The following GABBR2 variants were observed in gnomAD, a reference collection of about 807,000 sequenced individuals.
The protein encoded by GABBR2 is gamma-aminobutyric acid type B receptor subunit 2.
A neutral mutation model predicts 105.6 loss-of-function variants in GABBR2; 23 were observed. The observed-to-expected ratio is 0.22, with a 90% CI of 0.16 to 0.31. The LOEUF (loss-of-function observed/expected upper bound fraction) is 0.31, where lower values mean the gene tolerates loss of function less well. GABBR2 is among the 10% of genes least tolerant of loss of function. The pLI is 1.00. For synonymous variants in GABBR2, 478 were observed against 499.7 expected, an observed-to-expected ratio of 0.96 and a Z score of 0.58; for missense variants, 734 against 1,245.5, an observed-to-expected ratio of 0.59 and a Z score of 6.18.
intron 1 of GABBR2, among the ~76,000 whole-genome samples, chr9:98,698,904 G>A (rs1455300307): frequency 6.6e-6 from 1 of 152,140 alleles, no homozygotes; most frequent in African/African-American, 2.4e-5. Flanking sequence ...AGTTAGTCCT[G>A]GCCATAGAAG....
intron 1 of GABBR2, among the ~76,000 whole-genome samples, chr9:98,633,272 G>A (rs1028694059): frequency 1.3e-4 from 20 of 152,156 alleles, no homozygotes; most frequent in African/African-American, 4.6e-4. Context: ...CCAGTCCAGG[G>A]AATGGCAGCC....
chr9:98,651,746 T>A (rs1411648336), intron 1 of GABBR2, among the ~76,000 whole-genome samples: 1 of 152,226 alleles, frequency 6.6e-6, no homozygotes, highest in African/African-American at 2.4e-5. Flanking sequence ...ACAATTTTTT[T>A]AAAGATGTTT....
chr9:98,657,805 C>T (rs1830203258), intron 1 of GABBR2, among the ~76,000 whole-genome samples: 1 of 152,276 alleles, frequency 6.6e-6, no homozygotes, highest in Non-Finnish European at 1.5e-5. Context: ...CTCACAAGAT[C>T]TGATGGGTTT....
intron 1 of GABBR2, among the ~76,000 whole-genome samples, chr9:98,590,029 G>A (rs1291897727): frequency 2.0e-5 from 3 of 152,172 alleles, no homozygotes; most frequent in Non-Finnish European, 2.9e-5. Flanking sequence ...ATGCCCTGCT[G>A]AACTAGGTTA....
intron 2 of GABBR2, among the ~76,000 whole-genome samples, chr9:98,560,082 G>A (rs1161483028): frequency 1.3e-5 from 2 of 151,762 alleles, no homozygotes; most frequent in Non-Finnish European, 2.9e-5. Flanking sequence ...ATTATATAAG[G>A]ATGGCATGGA....
chr9:98,322,123 GTCCTCTGCTTCCA>G (rs1830833059), intron 13 of GABBR2, among the ~76,000 whole-genome samples: 1 of 151,860 alleles, frequency 6.6e-6, no homozygotes, highest in Non-Finnish European at 1.5e-5. Flanking sequence ...ATCCTATTTG[GTCCTCTGCTTCCA>G]GGCCCTCTGG....
At chr9:98,681,995 G>C (rs993549119) in intron 1 of GABBR2, among the ~76,000 whole-genome samples, 7 of 152,114 alleles carry the variant, frequency 4.6e-5, no homozygotes, top group African/African-American at 1.7e-4. Flanking sequence ...CCCACTTTGG[G>C]GGGTGGAGAC....
At chr9:98,422,071 T>C (rs1027251734) in intron 7 of GABBR2, among the ~76,000 whole-genome samples, 1 of 152,118 alleles carries the variant, frequency 6.6e-6, no homozygotes, top group East Asian at 1.9e-4. Flanking sequence ...AAAATCAACG[T>C]GGTCTTAACA....
intron 11 of GABBR2, among the ~76,000 whole-genome samples, chr9:98,379,112 T>C (rs1831926774): frequency 6.6e-6 from 1 of 152,100 alleles, no homozygotes; most frequent in African/African-American, 2.4e-5. Context: ...CTTTCAGCAC[T>C]CAAGGTGGCA....
intron 1 of GABBR2, among the ~76,000 whole-genome samples, chr9:98,653,433 T>C (rs1341628542): frequency 6.6e-6 from 1 of 152,208 alleles, no homozygotes; most frequent in Non-Finnish European, 1.5e-5. Flanking sequence ...AAAATGAGCA[T>C]TGGTATAAAC....
chr9:98,708,895 C>CGCGGCG lies in GABBR2; in HGVS notation c.-164_-159dup, dbSNP rs35400353. 2.0e-5 allele frequency: 4 copies of CGCGGCG among 198,188 alleles called. 1 individual carries two copies. The highest frequency in any genetic ancestry group is 3.6e-5 in the Non-Finnish European group (4 of 111,382). 12.3% of individuals were successfully genotyped at this position (198,188 alleles called of 1,614,324 possible). A position where few individuals can be genotyped will look rare whatever the true frequency, so the allele number is the denominator to read the frequency against. ...GGGTTCCGGCTCGGCTCAGAACGGC[C>CGCGGCG]GCGGCGGCGGCGGCGGCAGCGGCGG... On this transcript the variant is annotated 5_prime_UTR_variant, in exon 1 of 19. Transcript: ENST00000259455.
intron 2 of GABBR2, among the ~76,000 whole-genome samples, chr9:98,545,883 G>A (rs1199007783): frequency 6.6e-6 from 1 of 152,138 alleles, no homozygotes; most frequent in Non-Finnish European, 1.5e-5. Flanking sequence ...GGCATCACCA[G>A]GGCTGTTAGC....
At chr9:98,461,413 T>G (rs1029275627) in intron 6 of GABBR2, among the ~76,000 whole-genome samples, 3 of 152,202 alleles carry the variant, frequency 2.0e-5, no homozygotes, top group African/African-American at 7.2e-5. Flanking sequence ...TGTGTATATA[T>G]CCACACTATA....
At chr9:98,292,435 TG>T (rs1564004631) in intron 18 of GABBR2, among the ~76,000 whole-genome samples, 1 of 152,190 alleles carries the variant, frequency 6.6e-6, no homozygotes, top group African/African-American at 2.4e-5. Context: ...TTATCCCAAC[TG>T]GGTGTGCCCT....
At chr9:98,520,299 A>G (rs1827841826) in intron 3 of GABBR2, among the ~76,000 whole-genome samples, 1 of 152,248 alleles carries the variant, frequency 6.6e-6, no homozygotes, top group Non-Finnish European at 1.5e-5. Flanking sequence ...TGAAAGGTAT[A>G]TCTTCTCATG....
chr9:98,331,994 C>T (rs1831035303), intron 13 of GABBR2, among the ~76,000 whole-genome samples: 1 of 152,206 alleles, frequency 6.6e-6, no homozygotes, highest in South Asian at 2.1e-4. Flanking sequence ...CAGTCCAGCC[C>T]TCAGGCTGGG....
At chr9:98,423,783 TA>T (rs1171285402) in intron 7 of GABBR2, among the ~76,000 whole-genome samples, 1 of 152,212 alleles carries the variant, frequency 6.6e-6, no homozygotes, top group Non-Finnish European at 1.5e-5. Flanking sequence ...AATTTTTGTA[TA>T]AGGTGTAAGG....
At chr9:98,551,532 C>A (rs566608275) in intron 2 of GABBR2, among the ~76,000 whole-genome samples, 1 of 152,160 alleles carries the variant, frequency 6.6e-6, no homozygotes, top group Non-Finnish European at 1.5e-5. Flanking sequence ...AGGGAGGGAA[C>A]AATTTATGCC....
chr9:98,581,903 A>G (rs1039307540), intron 1 of GABBR2, among the ~76,000 whole-genome samples: 4 of 152,250 alleles, frequency 2.6e-5, no homozygotes, highest in Non-Finnish European at 5.9e-5. Flanking sequence ...AAGATTCTGT[A>G]TTAGTAATGA....
Sources: gnomAD v4.1 joint callset for allele counts (sites outside exome capture counted in the v4.1 genomes callset) on GRCh38, gnomAD v4.1.1 for gene constraint, MANE v1.5 for transcripts, NCBI Gene and HGNC (gene_info 2026-07-23, HGNC 2026-07-21) for gene names.